TTC7B: variants seen among roughly 807,000 people sequenced by gnomAD.
TTC7B encodes the protein tetratricopeptide repeat protein 7B.
Under a neutral mutation model 106.8 loss-of-function variants are expected in TTC7B, and 28 were observed. The ratio of observed to expected loss-of-function variants is 0.26; its 90% confidence interval spans 0.19 to 0.36. The LOEUF (loss-of-function observed/expected upper bound fraction) is 0.36. Among genes scored for constraint, TTC7B ranks in the 10% least tolerant of loss-of-function variants. The pLI is 1.00. For synonymous variants in TTC7B, 405 were observed against 430.6 expected (o/e 0.94, Z 0.74); for missense variants, 862 against 1,076.4 (o/e 0.80, Z 2.79).
At chr14:90,605,667 G>T in intron 17 of TTC7B, 1 of 1,289,230 alleles carries the variant, frequency 7.8e-7, no homozygotes, top group African/African-American at 1.5e-5. Flanking sequence ...CAAAGGTATC[G>T]GGTTTGGGAG....
rs141203588 is a variant in TTC7B, at chr14:90,742,353, TTTC to T, written c.576+2436_576+2438del. On this transcript the variant is annotated intron_variant, in intron 4 of 19. Coordinates refer to ENST00000328459, the MANE Select transcript of TTC7B (RefSeq NM_001010854.2). This position sits in a 1 kb window ranked among gnomAD's most constrained non-coding sequence, Gnocchi z 4.1. ...CTCTCTCTCTTTCTCTCTTCCTTTC[TTTC>T]TTCATTTGTAGAGACAAGGTCTCAC... Among the ~76,000 whole-genome samples the T allele has an allele frequency of 0.045, 6,851 of 151,806 alleles. 172 individuals carry two copies. The highest frequency in any genetic ancestry group is 0.057 in the Non-Finnish European group (3,893 of 67,924).
chr14:90,675,641 G>T (rs1046585838), intron 9 of TTC7B, among the ~76,000 whole-genome samples: 2 of 152,190 alleles, frequency 1.3e-5, no homozygotes, highest in African/African-American at 4.8e-5. Context: ...GCCTAATGTG[G>T]CGATGCACTG....
chr14:90,731,010 A>G (rs974914700), intron 4 of TTC7B, among the ~76,000 whole-genome samples: 1 of 152,148 alleles, frequency 6.6e-6, no homozygotes. Flanking sequence ...CAGTGGCACA[A>G]TCTCAGCTCA....
At chr14:90,787,764 A>G (rs1891441598) in intron 1 of TTC7B, among the ~76,000 whole-genome samples, 1 of 152,216 alleles carries the variant, frequency 6.6e-6, no homozygotes, top group South Asian at 2.1e-4. Context: ...AGCCTAAAAT[A>G]ACCTTTTAGA....
chr14:90,673,658 T>A (rs931348445), intron 9 of TTC7B, among the ~76,000 whole-genome samples: 8 of 152,182 alleles, frequency 5.3e-5, no homozygotes, highest in Non-Finnish European at 7.3e-5. Flanking sequence ...ACAACAACAC[T>A]GTTCATAGTA....
At chr14:90,796,930 C>T (rs1181081960) in intron 1 of TTC7B, among the ~76,000 whole-genome samples, 1 of 151,460 alleles carries the variant, frequency 6.6e-6, no homozygotes, top group African/African-American at 2.4e-5. Flanking sequence ...CCGTTGCAAC[C>T]TGACTCCCAG....
intron 17 of TTC7B, chr14:90,603,216 G>A: frequency 1.6e-6 from 2 of 1,236,024 alleles, no homozygotes; most frequent in Non-Finnish European, 2.1e-6. Context: ...GATTCTGGAG[G>A]CCCTCGGAAG....
At chr14:90,574,087 G>C (rs1891158982) in intron 19 of TTC7B, among the ~76,000 whole-genome samples, 1 of 152,186 alleles carries the variant, frequency 6.6e-6, no homozygotes. Flanking sequence ...GTCCAGGGAT[G>C]CTGGTTCTCT....
chr14:90,791,116 C>T (rs1891572147), intron 1 of TTC7B, among the ~76,000 whole-genome samples: 1 of 152,138 alleles, frequency 6.6e-6, no homozygotes, highest in Admixed American at 6.6e-5. Context: ...GGCCAAGTGT[C>T]ACATGTGCCA....
chr14:90,734,166 C>A lies in TTC7B; in HGVS notation c.577-3970G>T, dbSNP rs118141859. Among the ~76,000 whole-genome samples the A allele has an allele frequency of 1.8e-3, 268 of 152,170 alleles. 10 individuals are homozygous for A. The East Asian group carries it at 0.043, about 24-fold the overall frequency. On this transcript the variant is annotated intron_variant, in intron 4 of 19. Coordinates refer to ENST00000328459, the MANE Select transcript of TTC7B (RefSeq NM_001010854.2). ...AGGCGTGGTGGCTCATGCTTGTAAT[C>A]ACAGCATTATGGGAGGCTGAGGTGG...
chr14:90,796,751 T>A (rs1211130433), intron 1 of TTC7B, among the ~76,000 whole-genome samples: 1 of 152,184 alleles, frequency 6.6e-6, no homozygotes, highest in Non-Finnish European at 1.5e-5. Flanking sequence ...GCAGCTGGCA[T>A]CCAGGAGGAA....
intron 3 of TTC7B, among the ~76,000 whole-genome samples, chr14:90,756,496 C>T (rs928555769): frequency 4.6e-5 from 7 of 151,016 alleles, no homozygotes; most frequent in African/African-American, 1.2e-4. Flanking sequence ...TGGGTTCAAG[C>T]GATTCTCCTG....
At position 90,722,278 on chromosome 14, in the gene TTC7B, T is replaced by C. The variant is rs368112964; in HGVS notation, c.698+7797A>G. On this transcript the variant is annotated intron_variant, in intron 5 of 19. Coordinates refer to ENST00000328459, the MANE Select transcript of TTC7B (RefSeq NM_001010854.2). ...CCCGGCTCTATCCCTCCCTCCATCA[T>C]CCCCACCTTCCTAGTATGGTTCCTG... Among the ~76,000 whole-genome samples the C allele has an allele frequency of 2.6e-5, 4 of 152,238 alleles. No homozygotes were observed. The South Asian group carries it at 8.3e-4, about 32-fold the overall frequency.
rs928026867 is a variant in TTC7B, at chr14:90,530,632, C to G, written c.*10736G>C. The G allele has an allele frequency of 6.6e-6, 1 of 152,164 alleles. No individual in the cohort carries two copies. The highest frequency in any genetic ancestry group is 6.6e-5 in the Admixed American group (1 of 15,266). 9.4% of individuals were successfully genotyped at this position (152,164 alleles called of 1,614,324 possible). ...GCAGAGAAGGAGGAGTCACAGAGAT[C>G]GCTCTACAGCAGAGGTCGGAGTGAT... On this transcript the variant is annotated 3_prime_UTR_variant, in exon 20 of 20. Transcript: ENST00000328459.
chr14:90,593,207 C>T (rs1337486961), intron 18 of TTC7B, among the ~76,000 whole-genome samples: 1 of 152,242 alleles, frequency 6.6e-6, no homozygotes, highest in Non-Finnish European at 1.5e-5. Flanking sequence ...TGGCAAACTC[C>T]CCAAGAATCC....
chr14:90,813,669 AT>A, intron 1 of TTC7B, among the ~76,000 whole-genome samples: 1 of 130,654 alleles, frequency 7.7e-6, no homozygotes, highest in South Asian at 2.7e-4. Context: ...CAAACACTGT[AT>A]TCTTTTTTTT....
At chr14:90,804,595 G>A (rs1285711448) in intron 1 of TTC7B, among the ~76,000 whole-genome samples, 1 of 152,204 alleles carries the variant, frequency 6.6e-6, no homozygotes, top group Non-Finnish European at 1.5e-5. Flanking sequence ...AGGAAGGGAT[G>A]CCACAGGCTG....
intron 1 of TTC7B, among the ~76,000 whole-genome samples, chr14:90,793,203 C>A (rs1462685127): frequency 1.3e-5 from 2 of 152,126 alleles, no homozygotes; most frequent in African/African-American, 4.8e-5. Flanking sequence ...GAGACCTCCC[C>A]AGCCATGTGG....
chr14:90,770,160 A>G (rs1436833673), intron 3 of TTC7B, among the ~76,000 whole-genome samples: 1 of 152,172 alleles, frequency 6.6e-6, no homozygotes, highest in Non-Finnish European at 1.5e-5. Context: ...GAAAATAAGT[A>G]AACAAATAAG....
Sources: allele counts gnomAD v4.1 joint callset (sites outside exome capture counted in the v4.1 genomes callset), GRCh38; gene constraint gnomAD v4.1.1; non-coding constraint Gnocchi (gnomAD v3.1); transcripts MANE v1.5; gene names NCBI Gene and HGNC (gene_info 2026-07-23, HGNC 2026-07-21).